The following DCC variants were observed in gnomAD, a reference collection of about 807,000 sequenced individuals.
DCC encodes netrin receptor DCC.
Under a neutral mutation model 172.5 loss-of-function variants are expected in DCC, and 58 were observed. The ratio of observed to expected loss-of-function variants is 0.34; its 90% CI spans 0.27 to 0.42. The LOEUF (loss-of-function observed/expected upper bound fraction) is 0.42. Ranked by LOEUF, DCC falls within the 10% of genes least tolerant of loss-of-function variation. DCC has a pLI of 1.00. For missense variants in DCC, 1,740 were observed against 1,791.0 expected (o/e 0.97, Z 0.51); for synonymous variants, 709 against 644.5 (o/e 1.10, Z -1.52).
At chr18:53,335,098 A>C (rs1352245759) in intron 14 of DCC, among the ~76,000 whole-genome samples, 1 of 152,028 alleles carries the variant, frequency 6.6e-6, no homozygotes, top group Non-Finnish European at 1.5e-5. Context: ...CTTACCCTTG[A>C]TGTTCCAGAT....
intron 5 of DCC, among the ~76,000 whole-genome samples, chr18:53,003,794 G>C (rs1464360232): frequency 1.3e-5 from 2 of 152,032 alleles, no homozygotes; most frequent in African/African-American, 4.8e-5. Flanking sequence ...ACCATACACA[G>C]AGACGCACCT....
chr18:52,868,851 GAC>G (rs2039271454), intron 2 of DCC, among the ~76,000 whole-genome samples: 2 of 152,234 alleles, frequency 1.3e-5, no homozygotes, highest in Admixed American at 1.3e-4. Context: ...CACACAGTCA[GAC>G]ACACCAGCTG....
At chr18:53,471,112 A>G (rs551692014) in intron 25 of DCC, among the ~76,000 whole-genome samples, 2 of 152,328 alleles carry the variant, frequency 1.3e-5, no homozygotes, top group African/African-American at 2.4e-5. Context: ...GACTACAGCA[A>G]TAAGCTTGTA....
Position 53,042,553 on chromosome 18 carries a change from T to C in DCC, c.986-20752T>C, listed in dbSNP as rs374286147. Among the ~76,000 whole-genome samples, 6 of 151,940 alleles carry C rather than the reference T, an allele frequency of 3.9e-5. No individual in the cohort carries two copies. In the East Asian group the frequency reaches 7.8e-4, roughly 20 times the overall value. ...TTAGGGAGGAGTCCCTCTTTTTCTATTGTTTGGAATAGTTTCAGAGAGCTA... is the reference window on the plus strand; with the variant it reads ...TTAGGGAGGAGTCCCTCTTTTTCTACTGTTTGGAATAGTTTCAGAGAGCTA... On this transcript the variant is annotated intron_variant, in intron 5 of 28. Coordinates refer to ENST00000442544, the MANE Select transcript of DCC (RefSeq NM_005215.4).
intron 1 of DCC, among the ~76,000 whole-genome samples, chr18:52,624,753 T>A (rs80191945): frequency 6.6e-6 from 1 of 152,202 alleles, no homozygotes; most frequent in Admixed American, 6.5e-5. Context: ...CAATGATGAC[T>A]GTGCTGAGAG....
chr18:52,897,491 A>G, intron 2 of DCC, among the ~76,000 whole-genome samples: 1 of 152,180 alleles, frequency 6.6e-6, no homozygotes, highest in Non-Finnish European at 1.5e-5. Flanking sequence ...ATATTTGTGT[A>G]TTTTTTTCTT....
intron 2 of DCC, 150 bp downstream of exon 2, chr18:52,752,524 A>G (rs1482304606): frequency 4.3e-6 from 3 of 697,430 alleles, no homozygotes; most frequent in Non-Finnish European, 7.5e-6. Flanking sequence ...ATTTTTATGA[A>G]GTACAATGTC....
intron 21 of DCC, among the ~76,000 whole-genome samples, chr18:53,423,626 T>C (rs1461660885): frequency 6.6e-6 from 1 of 152,218 alleles, no homozygotes; most frequent in Non-Finnish European, 1.5e-5. Flanking sequence ...TTTTCAAGAA[T>C]CCTTTCTTAC....
chr18:53,299,038 G>C (rs1218598942), intron 12 of DCC, among the ~76,000 whole-genome samples: 6 of 152,150 alleles, frequency 3.9e-5, no homozygotes, highest in Admixed American at 3.9e-4. Context: ...ACTAAGATGA[G>C]TAGTGAAACA....
intron 13 of DCC, among the ~76,000 whole-genome samples, chr18:53,310,198 T>C (rs930862407): frequency 6.6e-6 from 1 of 152,034 alleles, no homozygotes; most frequent in Admixed American, 6.6e-5. Flanking sequence ...TACTTGTAGA[T>C]TGGCTTTGGT....
At chr18:53,415,705 ATG>A (rs992637947) in intron 20 of DCC, among the ~76,000 whole-genome samples, 1 of 152,124 alleles carries the variant, frequency 6.6e-6, no homozygotes, top group Non-Finnish European at 1.5e-5. Context: ...TACCCAGTCT[ATG>A]TGAGAATTGG....
chr18:52,779,995 A>G (rs2037505036), intron 2 of DCC, among the ~76,000 whole-genome samples: 1 of 152,196 alleles, frequency 6.6e-6, no homozygotes, highest in Admixed American at 6.6e-5. Context: ...TTGGAAAGAG[A>G]AATTGACATC....
At chr18:52,503,340 A>G (rs895054721) in intron 1 of DCC, among the ~76,000 whole-genome samples, 15 of 152,146 alleles carry the variant, frequency 9.9e-5, no homozygotes, top group African/African-American at 2.9e-4. Context: ...CCCTTGTTAA[A>G]GATGTGTTAT....
intron 25 of DCC, among the ~76,000 whole-genome samples, chr18:53,470,800 A>G (rs1443750407): frequency 1.3e-5 from 2 of 152,152 alleles, no homozygotes; most frequent in Admixed American, 6.5e-5. Context: ...ACTCACCATC[A>G]CGAGGATCAT....
chr18:52,858,031 A>G (rs943193045), intron 2 of DCC, among the ~76,000 whole-genome samples: 4 of 152,224 alleles, frequency 2.6e-5, no homozygotes, highest in Non-Finnish European at 4.4e-5. Flanking sequence ...AAATATGTTC[A>G]TTGCTGGAAC....
chr18:53,449,103 G>T (rs768615764), intron 22 of DCC, among the ~76,000 whole-genome samples: 31 of 152,030 alleles, frequency 2.0e-4, no homozygotes, highest in Non-Finnish European at 4.0e-4. Flanking sequence ...TAAATATTTT[G>T]CTCAAGATGT....
intron 1 of DCC, among the ~76,000 whole-genome samples, chr18:52,515,606 C>CAAAAAAAAAAAAAAAAAAAAAAAAAAAAA (rs58112743): frequency 1.7e-3 from 18 of 10,330 alleles, no homozygotes; most frequent in South Asian, 4.5e-3. Flanking sequence ...AACCCTGTCT[C>CAAAAAAAAAAAAAAAAAAAAAAAAAAAAA]AAAAAAAAAA....
intron 15 of DCC, among the ~76,000 whole-genome samples, chr18:53,369,810 A>G (rs2058042145): frequency 6.6e-6 from 1 of 151,908 alleles, no homozygotes; most frequent in Non-Finnish European, 1.5e-5. Context: ...CCTTCCAGGA[A>G]TAAATCTCAC....
intron 15 of DCC, among the ~76,000 whole-genome samples, chr18:53,354,734 T>C (rs2057857074): frequency 6.7e-6 from 1 of 150,366 alleles, no homozygotes; most frequent in Non-Finnish European, 1.5e-5. Flanking sequence ...TGGTAGTTTC[T>C]TTTGCTGTGC....
Sources: allele counts gnomAD v4.1 joint callset (sites outside exome capture counted in the v4.1 genomes callset), GRCh38; gene constraint gnomAD v4.1.1; transcripts MANE v1.5; gene names NCBI Gene and HGNC (gene_info 2026-07-23, HGNC 2026-07-21).